The following PC variants were observed in gnomAD, a reference collection of about 807,000 sequenced individuals.
PC encodes pyruvate carboxylase.
PC carries 46 observed loss-of-function variants against 107.8 expected under a neutral mutation model. The observed-to-expected ratio is 0.43, with a 90% confidence interval of 0.34 to 0.55. The LOEUF is 0.55. Ranked by LOEUF, PC falls within the 20% of genes least tolerant of loss-of-function variation. The pLI is 0.04. For synonymous variants in PC, 662 were observed against 684.7 expected (o/e 0.97, Z 0.52); for missense variants, 1,241 against 1,643.1 (o/e 0.76, Z 4.23).
intron 3 of PC, among the ~76,000 whole-genome samples, chr11:66,903,961 G>A (rs1470214340): frequency 6.6e-6 from 1 of 150,624 alleles, no homozygotes; most frequent in Non-Finnish European, 1.5e-5. Context: ...CCGGGTAGCT[G>A]GGATTACAGA....
chr11:66,853,753 A>G (rs959251114), intron 12 of PC, among the ~76,000 whole-genome samples: 1 of 152,188 alleles, frequency 6.6e-6, no homozygotes, highest in Non-Finnish European at 1.5e-5. Context: ...GCAACAGACC[A>G]CACTCTGGCA....
intron 3 of PC, among the ~76,000 whole-genome samples, chr11:66,932,887 C>A (rs764694817): frequency 2.0e-5 from 3 of 152,094 alleles, no homozygotes; most frequent in Non-Finnish European, 4.4e-5. Context: ...GTCCCAGCAC[C>A]AGGAACTATG....
intron 3 of PC, among the ~76,000 whole-genome samples, chr11:66,949,086 G>A (rs1033751103): frequency 3.3e-5 from 5 of 151,146 alleles, no homozygotes; most frequent in South Asian, 2.1e-4. Context: ...TCCGCCTCCC[G>A]GGTTCAAGCG....
intron 11 of PC, among the ~76,000 whole-genome samples, chr11:66,864,823 G>A (rs1946423908): frequency 6.6e-6 from 1 of 152,206 alleles, no homozygotes; most frequent in Admixed American, 6.5e-5. Context: ...GCAGAGAAGG[G>A]CTCCCCGGAG....
At chr11:66,943,282 A>T (rs894521662) in intron 3 of PC, among the ~76,000 whole-genome samples, 1 of 143,274 alleles carries the variant, frequency 7.0e-6, no homozygotes, top group African/African-American at 2.5e-5. Context: ...GAGTCGGAGG[A>T]AAAAAAAAAA....
chr11:66,940,938 T>C (rs1364411473), intron 3 of PC, among the ~76,000 whole-genome samples: 4 of 151,578 alleles, frequency 2.6e-5, no homozygotes, highest in Non-Finnish European at 5.9e-5. Flanking sequence ...TAGCCAGGCA[T>C]GGTGGTGCAT....
chr11:66,858,972 C>T lies in PC; in HGVS notation c.1368+4802G>A. On this transcript the variant is annotated intron_variant, in intron 12 of 22. Coordinates refer to ENST00000393960, the MANE Select transcript of PC (RefSeq NM_001040716.2). The surrounding 1 kb of genome is among the most constrained non-coding windows in gnomAD (Gnocchi z 5.9). ...GACGCTGGAGTCTGAGCCAGCCGTGCAGGTGACGGAGGTGACCGCCACCTC... is the reference window on the plus strand; with the variant it reads ...GACGCTGGAGTCTGAGCCAGCCGTGTAGGTGACGGAGGTGACCGCCACCTC... 1 of 1,572,032 alleles carries T rather than the reference C, an allele frequency of 6.4e-7. No homozygotes were observed. The highest frequency in any genetic ancestry group is 8.7e-7 in the Non-Finnish European group (1 of 1,155,496).
chr11:66,903,791 T>TATACATACACACAC (rs1161764120), intron 3 of PC, among the ~76,000 whole-genome samples: 2 of 120,436 alleles, frequency 1.7e-5, no homozygotes, highest in South Asian at 5.1e-4. Flanking sequence ...TATATATATA[T>TATACATACACACAC]ACACACACCC....
chr11:66,903,935 C>G (rs569178627), intron 3 of PC, among the ~76,000 whole-genome samples: 2 of 150,078 alleles, frequency 1.3e-5, no homozygotes, highest in African/African-American at 4.9e-5. Context: ...CCAAGCAATA[C>G]TCCTGCCTCA....
chr11:66,905,002 G>A (rs1206329087), intron 3 of PC, among the ~76,000 whole-genome samples: 3 of 152,218 alleles, frequency 2.0e-5, no homozygotes, highest in African/African-American at 7.2e-5. Flanking sequence ...TTCAGAAACT[G>A]TAAACCACAA....
chr11:66,912,935 C>T (rs1948370769), intron 3 of PC, among the ~76,000 whole-genome samples: 1 of 152,144 alleles, frequency 6.6e-6, no homozygotes, highest in Non-Finnish European at 1.5e-5. Flanking sequence ...CAGCTGAGGT[C>T]ACTGGGTAGG....
In PC at chr11:66,945,604, CTT is replaced by C. The variant is rs1199080957; in HGVS notation, c.-1+6824_-1+6825del. 5.3e-4 allele frequency among the ~76,000 whole-genome samples: 61 copies of C among 116,156 alleles called. 16 individuals are homozygous for C. The highest frequency in any genetic ancestry group is 1.6e-3 in the African/African-American group (53 of 32,316). 76.2% of individuals were successfully genotyped at this position (116,156 alleles called of 152,430 possible). On this transcript the variant is annotated intron_variant, in intron 3 of 22. Transcript: ENST00000393960. The stretch of plus-strand genomic sequence containing the variant: ...CCAGTTTCATCCCTGCCAGGGGTCT[CTT>C]TAATTATAAAGAAAATGTCATCCAG...
At position 66,943,755 on chromosome 11, in the gene PC, C is replaced by CAAAAA. The variant is rs34245785; in HGVS notation, c.-1+8670_-1+8674dup. On this transcript the variant is annotated intron_variant, in intron 3 of 22. Coordinates refer to ENST00000393960, the MANE Select transcript of PC (RefSeq NM_001040716.2). ...TGGGCTATAGAGCAAGACTCCGGCT[C>CAAAAA]AAAAAAAAAAAAAAAAAAAAAAAAA... 4.5e-3 allele frequency among the ~76,000 whole-genome samples: 79 copies of CAAAAA among 17,608 alleles called. 7 individuals are homozygous for CAAAAA. The highest frequency in any genetic ancestry group is 8.5e-3 in the African/African-American group (38 of 4,476). The allele number at this position is 17,608 out of a possible 152,430, so 11.6% of individuals were successfully genotyped here.
In PC at chr11:66,871,812, T is replaced by A; in HGVS notation, c.196A>T (p.Ile66Phe). 2 of 1,609,174 alleles carry A rather than the reference T, an allele frequency of 1.2e-6. No individual in the cohort carries two copies. The highest frequency in any genetic ancestry group is 1.7e-6 in the Non-Finnish European group (2 of 1,179,432). Residue 66 changes from isoleucine (I) to phenylalanine (F), a missense_variant, in exon 5 of 23, where the codon ATC becomes TTC. This residue lies in a region of PC where 1,143 missense variants were observed against 1,551.9 expected (regional missense o/e 0.74). Coordinates refer to ENST00000393960, the MANE Select transcript of PC (RefSeq NM_001040716.2). The surrounding 1 kb of genome is among the most constrained non-coding windows in gnomAD (Gnocchi z 7.4). Reference protein sequence around the residue: ...CTELGIRTVAIYSEQDTGQMH... With the variant: ...CTELGIRTVAFYSEQDTGQMH... Reference sequence around the variant, plus strand: ...TGGCCCGTGTCCTGCTCAGAGTAGATGGCTACGGTGCGGATGCCCAGCTCC... The same window carrying A: ...TGGCCCGTGTCCTGCTCAGAGTAGAAGGCTACGGTGCGGATGCCCAGCTCC...
intron 12 of PC, chr11:66,860,709 C>A: frequency 4.3e-6 from 3 of 700,748 alleles, no homozygotes; most frequent in Non-Finnish European, 7.8e-6. Flanking sequence ...CTACCCTCGC[C>A]TGTAAGTGCA....
rs958712162 is a variant in PC at position 66,870,385 on chromosome 11, C to T, written c.820G>A (p.Val274Met). Residue 274 changes from valine to methionine, a missense_variant, in exon 9 of 23, where the codon GTG becomes ATG. By Grantham distance (21) the Val-to-Met change is conservative (BLOSUM62 1). Around this residue, in one of 2 missense-constraint regions of PC, gnomAD observed 1,143 missense variants for 1,551.9 expected, o/e 0.74. Transcript: ENST00000393960. The surrounding 1 kb of genome is among the most constrained non-coding windows in gnomAD (Gnocchi z 6.1). Reference protein sequence around the residue: ...DCSIQRRHQKVVEIAPAAHLD... With the variant: ...DCSIQRRHQKMVEIAPAAHLD... ...TGGGCGGCGGGGGCAATCTCGACCACCTTCTGGTGCCGCCGCTGGATGGAG... is the reference window on the plus strand; with the variant it reads ...TGGGCGGCGGGGGCAATCTCGACCATCTTCTGGTGCCGCCGCTGGATGGAG... 6.2e-7 allele frequency: 1 copy of T among 1,613,662 alleles called. No individual in the cohort carries two copies.
chr11:66,896,823 C>T (rs376867758), intron 3 of PC, among the ~76,000 whole-genome samples: 5 of 152,368 alleles, frequency 3.3e-5, no homozygotes, highest in Admixed American at 2.0e-4. Flanking sequence ...TACGCACATA[C>T]ACTCATAAAC....
rs375215292 is a variant in PC, at chr11:66,850,212, G to T, written c.2718+8C>A. On this transcript the variant is annotated splice_region_variant and intron_variant, in intron 19 of 22. Transcript: ENST00000393960. Reference sequence around the variant, plus strand: ...TGGGTCAGGTAAGGAGCACCGGGCCGGGCTCACCTTGATGAGATCGCCCAG... The same window carrying T: ...TGGGTCAGGTAAGGAGCACCGGGCCTGGCTCACCTTGATGAGATCGCCCAG... 6.2e-7 allele frequency: 1 copy of T among 1,613,804 alleles called. No homozygotes were observed. The highest frequency in any genetic ancestry group is 8.5e-7 in the Non-Finnish European group (1 of 1,180,024).
intron 3 of PC, among the ~76,000 whole-genome samples, chr11:66,927,723 CAA>C (rs568408958): frequency 2.1e-4 from 20 of 96,032 alleles, no homozygotes; most frequent in Non-Finnish European, 1.8e-4. Flanking sequence ...AAGTCCGTCT[CAA>C]AAAAAAAAAA....
Sources: gnomAD v4.1 joint callset for allele counts (sites outside exome capture counted in the v4.1 genomes callset) on GRCh38, gnomAD v4.1.1 for gene constraint, gnomAD v4.1.1 regional missense constraint, Gnocchi (gnomAD v3.1) non-coding constraint, MANE v1.5 for transcripts, NCBI Gene and HGNC (gene_info 2026-07-23, HGNC 2026-07-21) for gene names.